Variants in ARNT2 observed in about 807,000 individuals in gnomAD.
The protein encoded by ARNT2 is ARNT protein 2.
ARNT2 carries 36 observed loss-of-function variants against 91.7 expected under a neutral mutation model. The observed-to-expected ratio is 0.39, with a 90% CI of 0.30 to 0.52. The LOEUF (loss-of-function observed/expected upper bound fraction) is 0.52, where lower values mean the gene tolerates loss of function less well. Ranked by LOEUF, ARNT2 falls within the 20% of genes least tolerant of loss-of-function variation. The pLI is 0.72. For missense variants in ARNT2, 775 were observed against 939.3 expected (o/e 0.83, Z 2.29); for synonymous variants, 365 against 347.1 (o/e 1.05, Z -0.57).
At chr15:80,419,747 G>A (rs1378716744) in intron 1 of ARNT2, among the ~76,000 whole-genome samples, 1 of 152,204 alleles carries the variant, frequency 6.6e-6, no homozygotes, top group Non-Finnish European at 1.5e-5. Context: ...GTCCTGGAAA[G>A]TCCCGGGAGA....
At chr15:80,433,667 A>G (rs964404766) in intron 1 of ARNT2, 4 of 152,218 alleles carry the variant, frequency 2.6e-5, no homozygotes, top group Non-Finnish European at 5.9e-5. Flanking sequence ...TGGAGGGGCA[A>G]AGGGAAAGCC....
At chr15:80,549,460 G>A (rs943518519) in intron 8 of ARNT2, among the ~76,000 whole-genome samples, 15 of 152,162 alleles carry the variant, frequency 9.9e-5, no homozygotes, top group Admixed American at 1.3e-4. Context: ...AACATATACC[G>A]CAAGGATTTA....
chr15:80,547,694 AT>A, intron 8 of ARNT2, among the ~76,000 whole-genome samples: 1 of 152,354 alleles, frequency 6.6e-6, no homozygotes, highest in Admixed American at 6.5e-5. Context: ...AGATTTTCTA[AT>A]AAAAATTTGA....
intron 1 of ARNT2, among the ~76,000 whole-genome samples, chr15:80,422,813 T>C (rs1895878942): frequency 6.6e-6 from 1 of 152,236 alleles, no homozygotes; most frequent in Non-Finnish European, 1.5e-5. Flanking sequence ...ATATTATTCA[T>C]ATTAAATATT....
chr15:80,537,211 C>G (rs182908016), intron 8 of ARNT2, among the ~76,000 whole-genome samples: 1 of 152,110 alleles, frequency 6.6e-6, no homozygotes, highest in Admixed American at 6.6e-5. Flanking sequence ...TCACTTCCTG[C>G]GTTGTATTAT....
chr15:80,519,610 C>A (rs1566992095), intron 8 of ARNT2, among the ~76,000 whole-genome samples: 1 of 151,368 alleles, frequency 6.6e-6, no homozygotes, highest in Non-Finnish European at 1.5e-5. Context: ...TGAAATTCAC[C>A]AGAACTGTTT....
intron 12 of ARNT2, among the ~76,000 whole-genome samples, chr15:80,570,147 C>T (rs953654557): frequency 2.6e-5 from 4 of 152,380 alleles, no homozygotes; most frequent in African/African-American, 9.6e-5. Flanking sequence ...AACAGCCAGA[C>T]AGACTTGGGT....
chr15:80,562,938 C>T (rs1296160167), intron 11 of ARNT2, 150 bp from the exon 12 acceptor site: 10 of 831,934 alleles, frequency 1.2e-5, no homozygotes, highest in Non-Finnish European at 1.6e-5. Flanking sequence ...TGCAAAACTG[C>T]TCTCCCTCTC....
intron 8 of ARNT2, among the ~76,000 whole-genome samples, chr15:80,524,672 C>A (rs1023449319): frequency 6.6e-6 from 1 of 152,002 alleles, no homozygotes; most frequent in Non-Finnish European, 1.5e-5. Context: ...GTCAGCAGAT[C>A]GAGACCATCC....
chr15:80,454,231 C>T (rs149796624), intron 2 of ARNT2, among the ~76,000 whole-genome samples: 1 of 151,826 alleles, frequency 6.6e-6, no homozygotes, highest in African/African-American at 2.4e-5. Flanking sequence ...TCCCTGATCT[C>T]AGTGACAGGG....
chr15:80,456,663 C>T (rs905886572), intron 2 of ARNT2, among the ~76,000 whole-genome samples: 4 of 152,122 alleles, frequency 2.6e-5, no homozygotes, highest in African/African-American at 7.2e-5. Flanking sequence ...AAGGATGGCT[C>T]GCCCTGTGTA....
chr15:80,572,457 T>C (rs1898601023), intron 12 of ARNT2, among the ~76,000 whole-genome samples: 1 of 151,626 alleles, frequency 6.6e-6, no homozygotes, highest in Non-Finnish European at 1.5e-5. Flanking sequence ...CACCAGCCAC[T>C]TCCTCATCCT....
chr15:80,574,596 T>C (rs184203160), intron 13 of ARNT2, among the ~76,000 whole-genome samples: 148 of 152,358 alleles, frequency 9.7e-4, no homozygotes, highest in African/African-American at 3.5e-3. Context: ...TGTCCTGTTC[T>C]TCCTCAATGT....
rs766623740 is a variant in ARNT2, at chr15:80,597,282, A to T, written c.*3584A>T. 4.8e-5 allele frequency: 25 copies of T among 518,516 alleles called. No homozygotes were observed. Among genetic ancestry groups the T allele is most frequent in the Non-Finnish European group, 9.6e-5 (25 of 259,826 alleles). The allele number at this position is 518,516 out of a possible 1,614,324, so 32.1% of individuals were successfully genotyped here. ...ATGTGAACGCTCACCTTGCTCCGTC[A>T]CGGTTCTGACCTACCACATAAACAG... is the stretch of plus-strand genomic sequence containing the variant. On this transcript the variant is annotated 3_prime_UTR_variant, in exon 19 of 19. Coordinates refer to ENST00000303329, the MANE Select transcript of ARNT2 (RefSeq NM_014862.4).
Position 80,522,820 on chromosome 15 carries a change from G to GTGTGTA in ARNT2, c.877+8416_877+8417insGTGTAT, listed in dbSNP as rs548555538. On this transcript the variant is annotated intron_variant, in intron 8 of 18. Coordinates refer to ENST00000303329, the MANE Select transcript of ARNT2 (RefSeq NM_014862.4). Reference sequence around the variant, plus strand: ...CATATGTGTGTGTGTGTGTGTGTGTGTATATATATATATATACACACATTA... The same window carrying GTGTGTA: ...CATATGTGTGTGTGTGTGTGTGTGTGTGTGTATATATATATATATATACACACATTA... Among the ~76,000 whole-genome samples the GTGTGTA allele has an allele frequency of 1.9e-3, 263 of 135,752 alleles. 2 individuals carry two copies. Among genetic ancestry groups the GTGTGTA allele is most frequent in the Middle Eastern group, 3.9e-3 (1 of 256 alleles). The allele number at this position is 135,752 out of a possible 152,430, so 89.1% of individuals were successfully genotyped here. A position where few individuals can be genotyped will look rare whatever the true frequency, so the allele number is the denominator to read the frequency against.
rs78964469 is a variant in ARNT2 at position 80,468,681 on chromosome 15, C to A, written c.195-1537C>A. 2.3e-3 allele frequency among the ~76,000 whole-genome samples: 351 copies of A among 152,344 alleles called. 5 individuals are homozygous for A. In the East Asian group the frequency reaches 0.03, roughly 13 times the overall value. ...CTCCATTGTGGTTTTTGCTTTTCAC[C>A]TGCCTTTTGAAGCATTTAATCATAC... On this transcript the variant is annotated intron_variant, in intron 3 of 18. Transcript: ENST00000303329.
chr15:80,407,647 C>G (rs1895619522), intron 1 of ARNT2, among the ~76,000 whole-genome samples: 1 of 152,086 alleles, frequency 6.6e-6, no homozygotes, highest in Admixed American at 6.6e-5. Flanking sequence ...TCTCTCTGGC[C>G]AGGAATGACA....
chr15:80,416,565 G>A lies in ARNT2; in HGVS notation c.31+12019G>A, dbSNP rs544150146. Among the ~76,000 whole-genome samples the A allele has an allele frequency of 7.2e-5, 11 of 152,214 alleles. No individual in the cohort carries two copies. In the East Asian group the frequency reaches 7.7e-4, roughly 11 times the overall value. ...TTCAGGGTTTAACCTAGGATTATAA[G>A]TTACATTAAGTTCTGATGTCTCTTT... On this transcript the variant is annotated intron_variant, in intron 1 of 18. Coordinates refer to ENST00000303329, the MANE Select transcript of ARNT2 (RefSeq NM_014862.4).
intron 4 of ARNT2, 56 bp from the exon 5 acceptor site, chr15:80,474,954 T>C: frequency 6.4e-7 from 1 of 1,554,494 alleles, no homozygotes; most frequent in Non-Finnish European, 8.8e-7. Flanking sequence ...AATAAGAAAG[T>C]TGAATCATCC....
Sources: allele counts gnomAD v4.1 joint callset (sites outside exome capture counted in the v4.1 genomes callset), GRCh38; gene constraint gnomAD v4.1.1; transcripts MANE v1.5; gene names NCBI Gene and HGNC (gene_info 2026-07-23, HGNC 2026-07-21).